The following SLC30A9 variants were observed in gnomAD, a reference collection of about 807,000 sequenced individuals.
SLC30A9 encodes the protein solute carrier family 30 member 9.
A neutral mutation model predicts 87.5 loss-of-function variants in SLC30A9; 58 were observed. The ratio of observed to expected loss-of-function variants is 0.66; its 90% CI spans 0.54 to 0.82. SLC30A9 has a LOEUF of 0.82. Ranked by LOEUF, SLC30A9 falls within the 40% of genes least tolerant of loss-of-function variation. SLC30A9 has a pLI of 0.00. For missense variants in SLC30A9, 557 were observed against 679.1 expected (o/e 0.82, Z 2.00); for synonymous variants, 234 against 233.0 (o/e 1.00, Z -0.04).
At chr4:42,084,228 T>C (rs1333695627) in intron 17 of SLC30A9, among the ~76,000 whole-genome samples, 6 of 152,200 alleles carry the variant, frequency 3.9e-5, no homozygotes, top group Admixed American at 2.0e-4. Context: ...TCAGTACTTA[T>C]ATTTTAAGAG....
Position 42,085,899 on chromosome 4 carries a change from T to C in SLC30A9, c.1663-183T>C, listed in dbSNP as rs183856602. 4.9e-3 allele frequency among the ~76,000 whole-genome samples: 750 copies of C among 151,900 alleles called. 3 individuals are homozygous for C. Among genetic ancestry groups the C allele is most frequent in the South Asian group, 0.024 (116 of 4,766 alleles). On this transcript the variant is annotated intron_variant, in intron 17 of 17. Transcript: ENST00000264451. ...AGGAATGTGATACTACTTATTGTACTGTTTATAGTATGTCTATTTACCTAT... is the reference window on the plus strand; with the variant it reads ...AGGAATGTGATACTACTTATTGTACCGTTTATAGTATGTCTATTTACCTAT...
chr4:42,049,493 CT>C lies in SLC30A9; in HGVS notation c.840+21del. 13 of 1,383,432 alleles carry C rather than the reference CT, an allele frequency of 9.4e-6. No homozygotes were observed. The highest frequency in any genetic ancestry group is 2.8e-5 in the South Asian group (2 of 72,274). 85.7% of individuals were successfully genotyped at this position (1,383,432 alleles called of 1,614,324 possible). A position where few individuals can be genotyped will look rare whatever the true frequency, so the allele number is the denominator to read the frequency against. On this transcript the variant is annotated intron_variant, in intron 9 of 17. Coordinates refer to ENST00000264451, the MANE Select transcript of SLC30A9 (RefSeq NM_006345.4). ...ACTTGTAATCAGGTGAGGACTAAAGCTTTTTTTATAAGTCAATTTTAAAGTA... is the reference window on the plus strand; with the variant it reads ...ACTTGTAATCAGGTGAGGACTAAAGCTTTTTTATAAGTCAATTTTAAAGTA...
chr4:42,030,143 C>CCGCT (rs1716363104), intron 6 of SLC30A9: 1 of 874,504 alleles, frequency 1.1e-6, no homozygotes, highest in South Asian at 2.2e-5. Flanking sequence ...CAAATCTTTC[C>CCGCT]CGCTAGCCAT....
chr4:42,035,348 G>A lies in SLC30A9; in HGVS notation c.669+15G>A. 1 of 1,600,772 alleles carries A rather than the reference G, an allele frequency of 6.2e-7. No individual in the cohort carries two copies. Among genetic ancestry groups the A allele is most frequent in the Non-Finnish European group, 8.5e-7 (1 of 1,171,742 alleles). On this transcript the variant is annotated intron_variant, in intron 7 of 17. Transcript: ENST00000264451. Reference sequence around the variant, plus strand: ...GAAATACCAAGGTATGGATATCTTTGTAATAATGTGTGTGTTTGTGTTGCA... The same window carrying A: ...GAAATACCAAGGTATGGATATCTTTATAATAATGTGTGTGTTTGTGTTGCA...
At chr4:42,005,826 CAAG>C (rs1389395028) in intron 2 of SLC30A9, among the ~76,000 whole-genome samples, 1 of 152,172 alleles carries the variant, frequency 6.6e-6, no homozygotes, top group Non-Finnish European at 1.5e-5. Flanking sequence ...TTAATTTACT[CAAG>C]AAATATTTAT....
chr4:42,018,173 A>T lies in SLC30A9; in HGVS notation c.334+3A>T. The T allele has an allele frequency of 6.7e-7, 1 of 1,496,148 alleles. No homozygotes were observed. Among genetic ancestry groups the T allele is most frequent in the Non-Finnish European group, 9.3e-7 (1 of 1,078,726 alleles). The allele number at this position is 1,496,148 out of a possible 1,614,324, so 92.7% of individuals were successfully genotyped here. A position where few individuals can be genotyped will look rare whatever the true frequency, so the allele number is the denominator to read the frequency against. On this transcript the variant is annotated splice_donor_region_variant and intron_variant, in intron 3 of 17. Coordinates refer to ENST00000264451, the MANE Select transcript of SLC30A9 (RefSeq NM_006345.4). ...GCAAGAACCTCTCCAAGTAAGAGGTAAATATATTTTATCCTATTTTTGTAT... is the reference window on the plus strand; with the variant it reads ...GCAAGAACCTCTCCAAGTAAGAGGTTAATATATTTTATCCTATTTTTGTAT...
At chr4:42,049,585 G>C (rs938268805) in intron 9 of SLC30A9, 106 bp downstream of exon 9, 10 of 541,642 alleles carry the variant, frequency 1.8e-5, no homozygotes, top group Admixed American at 1.5e-4. Context: ...TAGTTGGCTT[G>C]TGGGATAAAA....
intron 2 of SLC30A9, among the ~76,000 whole-genome samples, chr4:42,015,271 A>G (rs1450401536): frequency 6.6e-6 from 1 of 152,192 alleles, no homozygotes; most frequent in Non-Finnish European, 1.5e-5. Flanking sequence ...AATAATGTTA[A>G]ACAATAGAAA....
intron 2 of SLC30A9, among the ~76,000 whole-genome samples, chr4:42,014,623 G>A (rs1361212573): frequency 6.6e-6 from 1 of 151,756 alleles, no homozygotes; most frequent in African/African-American, 2.4e-5. Context: ...TTGCAGCACT[G>A]TTCACAATAG....
intron 1 of SLC30A9, among the ~76,000 whole-genome samples, chr4:41,991,363 C>T (rs1714432939): frequency 6.6e-6 from 1 of 152,182 alleles, no homozygotes; most frequent in South Asian, 2.1e-4. Flanking sequence ...GAAAAGGTGG[C>T]AGTTGTAGTG....
intron 2 of SLC30A9, among the ~76,000 whole-genome samples, chr4:42,014,247 A>T (rs1715594867): frequency 6.6e-6 from 1 of 152,228 alleles, no homozygotes; most frequent in African/African-American, 2.4e-5. Flanking sequence ...GCTAGTGAAC[A>T]TGTGGAGAAA....
intron 15 of SLC30A9, among the ~76,000 whole-genome samples, chr4:42,073,916 CCAAA>C (rs969784392): frequency 3.2e-4 from 48 of 152,036 alleles, no homozygotes; most frequent in Non-Finnish European, 5.9e-5. Flanking sequence ...TGGGAGCCCT[CCAAA>C]CAGTTTTCTG....
chr4:42,084,715 C>A (rs1378054042), intron 17 of SLC30A9, among the ~76,000 whole-genome samples: 8 of 152,162 alleles, frequency 5.3e-5, no homozygotes, highest in Admixed American at 5.2e-4. Context: ...TTGTGATCCG[C>A]CCGCCTCGGC....
intron 15 of SLC30A9, 96 bp from the exon 16 acceptor site, chr4:42,075,561 G>A: frequency 8.9e-7 from 1 of 1,126,088 alleles, no homozygotes. Flanking sequence ...CGTAACTAGT[G>A]GGGAAAAAAA....
At chr4:42,060,482 G>C (rs927571594) in intron 10 of SLC30A9, among the ~76,000 whole-genome samples, 1 of 151,982 alleles carries the variant, frequency 6.6e-6, no homozygotes, top group African/African-American at 2.4e-5. Context: ...TGGAGATCTT[G>C]TTTTCTCCAT....
At chr4:42,052,075 G>A (rs971302884) in intron 9 of SLC30A9, among the ~76,000 whole-genome samples, 2 of 151,790 alleles carry the variant, frequency 1.3e-5, no homozygotes, top group East Asian at 3.9e-4. Context: ...TTCAAAATCA[G>A]TAAGTATAGA....
chr4:42,062,187 C>T (rs1216963137), intron 10 of SLC30A9, among the ~76,000 whole-genome samples: 3 of 147,892 alleles, frequency 2.0e-5, no homozygotes, highest in Non-Finnish European at 3.0e-5. Flanking sequence ...AGCAAAACTC[C>T]GTCTCAAAAA....
chr4:42,077,102 C>T (rs1718588898), intron 16 of SLC30A9, among the ~76,000 whole-genome samples: 1 of 152,058 alleles, frequency 6.6e-6, no homozygotes, highest in South Asian at 2.1e-4. Flanking sequence ...GTGTACTTAC[C>T]TTCAGCTTGC....
rs1253048721 is a variant in SLC30A9 at position 42,089,190 on chromosome 4, G to T, written c.*3064G>T. The T allele has an allele frequency of 6.6e-6, 1 of 152,078 alleles. No homozygotes were observed. The highest frequency in any genetic ancestry group is 2.4e-5 in the African/African-American group (1 of 41,406). 9.4% of individuals were successfully genotyped at this position (152,078 alleles called of 1,614,324 possible). A position where few individuals can be genotyped will look rare whatever the true frequency, so the allele number is the denominator to read the frequency against. The stretch of plus-strand genomic sequence containing the variant: ...CTTCTTGCCCAAAACTAAAATCTAG[G>T]ATTTATCAAAGGTGAGGTATACAGT... On this transcript the variant is annotated 3_prime_UTR_variant, in exon 18 of 18. Coordinates refer to ENST00000264451, the MANE Select transcript of SLC30A9 (RefSeq NM_006345.4).
Sources: gnomAD v4.1 joint callset for allele counts (sites outside exome capture counted in the v4.1 genomes callset) on GRCh38, gnomAD v4.1.1 for gene constraint, MANE v1.5 for transcripts, NCBI Gene and HGNC (gene_info 2026-07-23, HGNC 2026-07-21) for gene names.